B4GALT1: variants seen among roughly 807,000 people sequenced by gnomAD.
The protein encoded by B4GALT1 is N-acetyllactosamine synthase.
In B4GALT1, 16 loss-of-function variants were observed where a neutral mutation model predicts 34.9. That is an observed-to-expected ratio of 0.46 (90% CI 0.31 to 0.70). The LOEUF (loss-of-function observed/expected upper bound fraction) is 0.70, where lower values mean the gene tolerates loss of function less well. Ranked by LOEUF, B4GALT1 falls within the 30% of genes least tolerant of loss-of-function variation. The probability of loss-of-function intolerance (pLI) is 0.05; values close to 1 mark genes in which losing one functional copy is unlikely to be tolerated. For missense variants in B4GALT1, 445 were observed against 530.5 expected, an observed-to-expected ratio of 0.84 and a Z score of 1.58; for synonymous variants, 221 against 218.1, an observed-to-expected ratio of 1.01 and a Z score of -0.12.
intron 1 of B4GALT1, among the ~76,000 whole-genome samples, chr9:33,155,016 AC>A (rs1840576484): frequency 6.6e-6 from 1 of 152,182 alleles, no homozygotes; most frequent in South Asian, 2.1e-4. Context: ...AGTGACAGCC[AC>A]CCCAGCATTA....
At chr9:33,177,106 G>A in the B4GALT1 span, among the ~76,000 whole-genome samples, 1 of 152,110 alleles carries the variant, frequency 6.6e-6, no homozygotes. Context: ...AAACAAAATA[G>A]TTTCTTCTTC....
At chr9:33,128,460 T>C (rs1324287943) in intron 2 of B4GALT1, among the ~76,000 whole-genome samples, 2 of 151,986 alleles carry the variant, frequency 1.3e-5, no homozygotes, top group Non-Finnish European at 2.9e-5. Flanking sequence ...ATGGAAGCAA[T>C]TCACCAGCAA....
Position 33,110,816 on chromosome 9 carries a change from C to T in B4GALT1, c.*2638G>A, listed in dbSNP as rs563238472. ...CAACAGGTCTCTGGGACATGAAAGC[C>T]GTCATCCTGGCTATGCAGAGCCCCC... On this transcript the variant is annotated 3_prime_UTR_variant, in exon 6 of 6. Transcript: ENST00000379731. The T allele has an allele frequency of 1.4e-4, 22 of 152,306 alleles. No homozygotes were observed. The highest frequency in any genetic ancestry group is 4.8e-4 in the African/African-American group (20 of 41,548). The allele number at this position is 152,306 out of a possible 1,614,324, so 9.4% of individuals were successfully genotyped here.
upstream of B4GALT1, among the ~76,000 whole-genome samples, chr9:33,171,186 A>G (rs1218630294): frequency 6.6e-6 from 1 of 152,248 alleles, no homozygotes; most frequent in African/African-American, 2.4e-5. Flanking sequence ...AATTTCTCGC[A>G]GTTTTGCAGT....
At position 33,167,029 on chromosome 9, in the gene B4GALT1, C is replaced by T. The variant is rs1185490172; in HGVS notation, c.141G>A (p.Leu47=). 6.3e-7 allele frequency: 1 copy of T among 1,599,090 alleles called. No individual in the cohort carries two copies. The highest frequency in any genetic ancestry group is 2.2e-5 in the East Asian group (1 of 44,696). ...CTCCGACCAGTTGGGGCAGGCGGCT[C>T]AGGTCGCGGCCAGCCAGGTAGTAAA... is the stretch of plus-strand genomic sequence containing the variant. The part of the protein sequence containing the change: ...TLVYYLAGRD[L]SRLPQLVGVS... Residue 47 remains leucine, a synonymous_variant, in exon 1 of 6, where the codon CTG becomes CTA. Coordinates refer to ENST00000379731, the MANE Select transcript of B4GALT1 (RefSeq NM_001497.4).
chr9:33,128,053 C>T lies in B4GALT1; in HGVS notation c.648+7136G>A, dbSNP rs142039204. ...AACATTACCAGGGTGGTGGTGGCAGCGGTGGTGGCAGCAGCAGTGGCAGCG... is the reference window on the plus strand; with the variant it reads ...AACATTACCAGGGTGGTGGTGGCAGTGGTGGTGGCAGCAGCAGTGGCAGCG... On this transcript the variant is annotated intron_variant, in intron 2 of 5. Coordinates refer to ENST00000379731, the MANE Select transcript of B4GALT1 (RefSeq NM_001497.4). Among the ~76,000 whole-genome samples, 434 of 152,156 alleles carry T rather than the reference C, an allele frequency of 2.9e-3. 14 individuals are homozygous for T. The East Asian group carries it at 0.068, about 24-fold the overall frequency.
chr9:33,154,759 T>C (rs1029017930), intron 1 of B4GALT1, among the ~76,000 whole-genome samples: 1 of 152,188 alleles, frequency 6.6e-6, no homozygotes, highest in African/African-American at 2.4e-5. Context: ...GTCCAACCGA[T>C]GGCCCATGGG....
intron 3 of B4GALT1, among the ~76,000 whole-genome samples, chr9:33,117,666 T>G (rs1839960263): frequency 6.6e-6 from 1 of 152,236 alleles, no homozygotes; most frequent in African/African-American, 2.4e-5. Context: ...ATGCAATTAT[T>G]ATTTTCAAAT....
the B4GALT1 span, among the ~76,000 whole-genome samples, chr9:33,181,984 G>T: frequency 1.3e-5 from 2 of 149,818 alleles, no homozygotes; most frequent in East Asian, 1.9e-4. Context: ...TTTTAGATAG[G>T]GTTTCACTCT....
At chr9:33,176,375 A>G in the B4GALT1 span, among the ~76,000 whole-genome samples, 1 of 152,074 alleles carries the variant, frequency 6.6e-6, no homozygotes, top group African/African-American at 2.4e-5. Flanking sequence ...CATACCCCCA[A>G]ATCTCAAGAT....
rs778843998 is a variant in B4GALT1, at chr9:33,120,372, CAT to C, written c.836+45_836+46del. On this transcript the variant is annotated intron_variant, in intron 3 of 5. Transcript: ENST00000379731. ...CCAGGACTGCATTTCCTAGTCAACA[CAT>C]GAGAGAGACATGTTTACCACAGATT... is the stretch of plus-strand genomic sequence containing the variant. 3.1e-5 allele frequency: 49 copies of C among 1,604,532 alleles called. No homozygotes were observed. In the African/African-American group the frequency reaches 4.3e-4, roughly 14 times the overall value.
chr9:33,120,656 C>G (rs951109931), intron 2 of B4GALT1, 50 bp from the exon 3 acceptor site: 15 of 1,585,550 alleles, frequency 9.5e-6, no homozygotes, highest in Middle Eastern at 3.4e-4. Context: ...AGCCTTTGGG[C>G]CAAACACTCA....
chr9:33,162,842 C>T (rs968366944), intron 1 of B4GALT1, among the ~76,000 whole-genome samples: 3 of 152,172 alleles, frequency 2.0e-5, no homozygotes, highest in African/African-American at 7.2e-5. Context: ...ACTCTTATTG[C>T]CATAGGCTGT....
chr9:33,144,113 G>C (rs1037361505), intron 1 of B4GALT1, among the ~76,000 whole-genome samples: 27 of 152,134 alleles, frequency 1.8e-4, no homozygotes, highest in Admixed American at 1.3e-3. Context: ...CAAGCTCCTG[G>C]TCTCAAGAGA....
intron 2 of B4GALT1, among the ~76,000 whole-genome samples, 196 bp downstream of exon 2, chr9:33,134,993 G>C (rs1472195946): frequency 6.6e-6 from 1 of 152,150 alleles, no homozygotes; most frequent in Non-Finnish European, 1.5e-5. Context: ...CTTGGCTATA[G>C]AGTTGACAGC....
chr9:33,110,043 G>A (rs1023839727), downstream of B4GALT1, among the ~76,000 whole-genome samples: 4 of 152,248 alleles, frequency 2.6e-5, no homozygotes, highest in East Asian at 3.8e-4. Flanking sequence ...CCCTCCAGCA[G>A]TGACATGCAG....
At chr9:33,167,370 G>A (rs1230042832), upstream of B4GALT1, 17 of 595,830 alleles carry the variant, frequency 2.9e-5, no homozygotes, top group Non-Finnish European at 4.2e-5. Context: ...GGCGGAGAGG[G>A]GAGGGGCGGG....
At chr9:33,123,853 C>G (rs75630933) in intron 2 of B4GALT1, among the ~76,000 whole-genome samples, 1 of 152,194 alleles carries the variant, frequency 6.6e-6, no homozygotes, top group South Asian at 2.1e-4. Flanking sequence ...CCCCTTTCAC[C>G]GCCCGGGGTG....
At chr9:33,115,843 G>A in intron 4 of B4GALT1, 148 bp downstream of exon 4, 2 of 1,000,634 alleles carry the variant, frequency 2.0e-6, no homozygotes, top group Non-Finnish European at 3.1e-6. Context: ...GCACCTGCAG[G>A]ACCTGTAGGA....
Sources: gnomAD v4.1 joint callset for allele counts (sites outside exome capture counted in the v4.1 genomes callset) on GRCh38, gnomAD v4.1.1 for gene constraint, MANE v1.5 for transcripts, NCBI Gene and HGNC (gene_info 2026-07-23, HGNC 2026-07-21) for gene names.